Variants in NLK observed in about 807,000 individuals in gnomAD.
NLK encodes serine/threonine-protein kinase NLK.
A neutral mutation model predicts 59.0 loss-of-function variants in NLK; 11 were observed. The ratio of observed to expected loss-of-function variants is 0.19; its 90% CI spans 0.12 to 0.31. The LOEUF is 0.31. NLK is among the 10% of genes least tolerant of loss of function. NLK has a pLI of 1.00. For synonymous variants in NLK, 235 were observed against 235.9 expected, an observed-to-expected ratio of 1.00 and a Z score of 0.03; for missense variants, 410 against 661.1, an observed-to-expected ratio of 0.62 and a Z score of 4.16.
At chr17:28,115,329 G>A (rs2095003764) in intron 1 of NLK, among the ~76,000 whole-genome samples, 1 of 152,208 alleles carries the variant, frequency 6.6e-6, no homozygotes, top group Non-Finnish European at 1.5e-5. Context: ...GGTTTGTAGA[G>A]TTTAGCCCCA....
intron 1 of NLK, among the ~76,000 whole-genome samples, chr17:28,088,521 C>T (rs1006857937): frequency 6.6e-6 from 1 of 152,208 alleles, no homozygotes. Flanking sequence ...ATGAATTGAT[C>T]CATTAGCATC....
chr17:28,062,997 C>T (rs1909716933), intron 1 of NLK, among the ~76,000 whole-genome samples: 1 of 152,144 alleles, frequency 6.6e-6, no homozygotes, highest in Admixed American at 6.5e-5. Flanking sequence ...GTGGCACGAT[C>T]GTGGCTCACT....
chr17:28,183,011 T>C (rs1042487772), intron 7 of NLK, among the ~76,000 whole-genome samples: 2 of 152,228 alleles, frequency 1.3e-5, no homozygotes, highest in Admixed American at 6.5e-5. Flanking sequence ...GATTATATCC[T>C]AAAAATTCAA....
chr17:28,059,919 A>G (rs907924670), intron 1 of NLK, among the ~76,000 whole-genome samples: 1 of 152,158 alleles, frequency 6.6e-6, no homozygotes. Flanking sequence ...CCTTAAGAGC[A>G]TAAATCATAA....
intron 5 of NLK, 93 bp from the exon 6 acceptor site, chr17:28,168,355 T>C: frequency 1.1e-6 from 1 of 926,250 alleles, no homozygotes; most frequent in Non-Finnish European, 1.7e-6. Context: ...AAAAAAAGTT[T>C]CAAAGTTCAG....
At position 28,103,577 on chromosome 17, in the gene NLK, T is replaced by C. The variant is rs1904974616; in HGVS notation, c.459-19026T>C. On this transcript the variant is annotated intron_variant, in intron 1 of 10. Transcript: ENST00000407008. ...GAGATAATGAATTTGGAAATATGCA[T>C]AGATTTTAAACTTTTTGTAGTTATC... Among the ~76,000 whole-genome samples the C allele has an allele frequency of 4.6e-5, 7 of 152,238 alleles. No homozygotes were observed. In the South Asian group the frequency reaches 1.0e-3, roughly 23 times the overall value.
chr17:28,159,305 C>T (rs1597715801), intron 3 of NLK, among the ~76,000 whole-genome samples: 1 of 152,106 alleles, frequency 6.6e-6, no homozygotes, highest in East Asian at 1.9e-4. Context: ...CATAATTTGG[C>T]CTTCATCCTA....
chr17:28,044,677 G>A (rs1908993402), intron 1 of NLK, among the ~76,000 whole-genome samples: 1 of 152,180 alleles, frequency 6.6e-6, no homozygotes. Context: ...CCCTTCCACA[G>A]ACTATCTCAG....
downstream of NLK, among the ~76,000 whole-genome samples, chr17:28,198,070 A>G (rs1254448640): frequency 6.6e-6 from 1 of 152,198 alleles, no homozygotes; most frequent in East Asian, 1.9e-4. Context: ...TACAGCAGCA[A>G]TCTTTAAACT....
At chr17:28,171,155 A>G (rs1467322102) in intron 6 of NLK, 1 of 152,220 alleles carries the variant, frequency 6.6e-6, no homozygotes. Flanking sequence ...ATCCAAAAGT[A>G]TCACCTACAC....
intron 1 of NLK, among the ~76,000 whole-genome samples, chr17:28,075,249 CCTCT>C (rs1222674576): frequency 1.3e-5 from 2 of 152,146 alleles, no homozygotes; most frequent in Admixed American, 6.5e-5. Context: ...CCAAAAGAAA[CCTCT>C]CTCTAAGGTG....
intron 2 of NLK, among the ~76,000 whole-genome samples, chr17:28,128,804 C>A (rs1333342308): frequency 6.6e-6 from 1 of 152,182 alleles, no homozygotes; most frequent in Non-Finnish European, 1.5e-5. Context: ...ATTTCGTATA[C>A]ACTCAAGAGA....
At chr17:28,202,102 A>G in the NLK span, among the ~76,000 whole-genome samples, 1 of 152,236 alleles carries the variant, frequency 6.6e-6, no homozygotes, top group Non-Finnish European at 1.5e-5. Flanking sequence ...AATTTGAAAA[A>G]TAATACTCTT....
chr17:28,046,530 T>C (rs1909058514), intron 1 of NLK, among the ~76,000 whole-genome samples: 1 of 152,210 alleles, frequency 6.6e-6, no homozygotes, highest in Non-Finnish European at 1.5e-5. Flanking sequence ...AACACCCACA[T>C]GGACATTTTC....
At position 28,166,484 on chromosome 17, in the gene NLK, T is replaced by C. The variant is rs184490227; in HGVS notation, c.838-1964T>C. Among the ~76,000 whole-genome samples, 10 of 152,306 alleles carry C rather than the reference T, an allele frequency of 6.6e-5. No homozygotes were observed. In the East Asian group the frequency reaches 1.5e-3, roughly 23 times the overall value. ...GAACGGGGTTTTCAGATTTTCTTTT[T>C]AAGCTGCCGGAACTCTTTTTCAAAT... On this transcript the variant is annotated intron_variant, in intron 5 of 10. Transcript: ENST00000407008.
intron 1 of NLK, among the ~76,000 whole-genome samples, chr17:28,083,093 A>G (rs558559557): frequency 6.6e-6 from 1 of 152,290 alleles, no homozygotes; most frequent in East Asian, 1.9e-4. Flanking sequence ...CTGCTGCTTG[A>G]CATGTGGAAA....
chr17:28,166,051 C>G (rs1446965915), intron 5 of NLK, among the ~76,000 whole-genome samples: 1 of 152,166 alleles, frequency 6.6e-6, no homozygotes, highest in Non-Finnish European at 1.5e-5. Context: ...CCTGTCTCTA[C>G]TAAAAATACA....
chr17:28,047,181 A>G (rs971132738), intron 1 of NLK, among the ~76,000 whole-genome samples: 2 of 152,216 alleles, frequency 1.3e-5, no homozygotes, highest in African/African-American at 4.8e-5. Context: ...AGCACACAGT[A>G]AGCATCAATA....
intron 1 of NLK, among the ~76,000 whole-genome samples, chr17:28,049,584 CAAGT>C (rs1235972676): frequency 2.0e-5 from 3 of 152,078 alleles, no homozygotes; most frequent in Admixed American, 2.0e-4. Flanking sequence ...AGTTGACAGT[CAAGT>C]AAACAATATG....
Sources: gnomAD v4.1 joint callset for allele counts (sites outside exome capture counted in the v4.1 genomes callset) on GRCh38, gnomAD v4.1.1 for gene constraint, MANE v1.5 for transcripts, NCBI Gene and HGNC (gene_info 2026-07-23, HGNC 2026-07-21) for gene names.